Variants in ZMYM4 observed in about 807,000 individuals in gnomAD.
The protein encoded by ZMYM4 is zinc finger MYM-type protein 4.
ZMYM4 carries 31 observed loss-of-function variants against 183.2 expected under a neutral mutation model. The ratio of observed to expected loss-of-function variants is 0.17; its 90% CI spans 0.13 to 0.23. The LOEUF is 0.23. Ranked by LOEUF, ZMYM4 falls within the 10% of genes least tolerant of loss-of-function variation. The pLI, the probability that ZMYM4 is intolerant of heterozygous loss-of-function variation, is 1.00. For synonymous variants in ZMYM4, 592 were observed against 631.2 expected (o/e 0.94, Z 0.93); for missense variants, 1,273 against 1,840.3 (o/e 0.69, Z 5.64).
chr1:35,399,366 C>T, intron 22 of ZMYM4, 116 bp from the exon 23 acceptor site: 1 of 985,976 alleles, frequency 1.0e-6, no homozygotes, highest in South Asian at 1.8e-5. Context: ...CTTATTTTAT[C>T]ACAAACAAAC....
chr1:35,417,339 C>T (rs562193476), intron 28 of ZMYM4, among the ~76,000 whole-genome samples: 1 of 152,026 alleles, frequency 6.6e-6, no homozygotes, highest in Non-Finnish European at 1.5e-5. Flanking sequence ...GCCCACTTTC[C>T]GTATCTTCAC....
chr1:35,394,047 A>T (rs1644759341), intron 18 of ZMYM4, among the ~76,000 whole-genome samples: 1 of 151,818 alleles, frequency 6.6e-6, no homozygotes, highest in Non-Finnish European at 1.5e-5. Context: ...CAGGCTTCTA[A>T]GGAGGTGCTA....
At chr1:35,408,762 ATATATAGTGTGATTGT>A (rs1254317554) in intron 26 of ZMYM4, among the ~76,000 whole-genome samples, 26 of 152,188 alleles carry the variant, frequency 1.7e-4, no homozygotes, top group African/African-American at 5.8e-4. Flanking sequence ...GCAGAATTAT[ATATATAGTGTGATTGT>A]TATGGGAAAA....
intron 9 of ZMYM4, among the ~76,000 whole-genome samples, chr1:35,382,788 A>G (rs1477078547): frequency 6.6e-6 from 1 of 152,094 alleles, no homozygotes; most frequent in East Asian, 1.9e-4. Context: ...TGTATTCTTT[A>G]ACAATATTTT....
At position 35,420,735 on chromosome 1, in the gene ZMYM4, AC is replaced by A. The variant is rs1341066791; in HGVS notation, c.*1059del. The A allele has an allele frequency of 6.6e-6, 1 of 152,612 alleles. No homozygotes were observed. Among genetic ancestry groups the A allele is most frequent in the Non-Finnish European group, 1.5e-5 (1 of 68,034 alleles). The allele number at this position is 152,612 out of a possible 1,614,324, so 9.5% of individuals were successfully genotyped here. A position where few individuals can be genotyped will look rare whatever the true frequency, so the allele number is the denominator to read the frequency against. ...AGTGATTCCACAAAGATACAGTATT[AC>A]TTAGCTATCTGAATTATGATAGAAA... is the stretch of plus-strand genomic sequence containing the variant. On this transcript the variant is annotated 3_prime_UTR_variant, in exon 30 of 30. Coordinates refer to ENST00000314607, the MANE Select transcript of ZMYM4 (RefSeq NM_005095.3).
In ZMYM4 at chr1:35,410,445, A is replaced by G. The variant is rs145133220; in HGVS notation, c.3948+2286A>G. Among the ~76,000 whole-genome samples the G allele has an allele frequency of 5.3e-5, 8 of 151,392 alleles. No individual in the cohort carries two copies. In the East Asian group the frequency reaches 1.6e-3, roughly 30 times the overall value. On this transcript the variant is annotated intron_variant, in intron 26 of 29. Transcript: ENST00000314607. ...ACTCTCTTGGTGTAGTGTACTTTGA[A>G]TGACAAATATATATTTATTTATTTA... is the stretch of plus-strand genomic sequence containing the variant.
intron 9 of ZMYM4, among the ~76,000 whole-genome samples, chr1:35,382,287 T>C (rs1379061532): frequency 6.6e-6 from 1 of 150,682 alleles, no homozygotes. Flanking sequence ...TATATATACA[T>C]ATAGAGAGAG....
intron 1 of ZMYM4, among the ~76,000 whole-genome samples, chr1:35,287,284 C>T (rs1640550538): frequency 6.7e-6 from 1 of 150,354 alleles, no homozygotes; most frequent in Admixed American, 6.6e-5. Flanking sequence ...CCAGGCTGGC[C>T]TTGAACTCCT....
At chr1:35,401,161 G>C (rs1458075066) in intron 23 of ZMYM4, among the ~76,000 whole-genome samples, 1 of 152,144 alleles carries the variant, frequency 6.6e-6, no homozygotes, top group Admixed American at 6.5e-5. Flanking sequence ...AGATTGCTAG[G>C]TTTTATGCTT....
chr1:35,363,415 C>G (rs1386567299), intron 5 of ZMYM4, among the ~76,000 whole-genome samples: 1 of 152,144 alleles, frequency 6.6e-6, no homozygotes, highest in African/African-American at 2.4e-5. Flanking sequence ...TTTGTGGCCT[C>G]TACCTACTAC....
At chr1:35,354,059 G>A (rs552565615) in intron 2 of ZMYM4, among the ~76,000 whole-genome samples, 1 of 152,188 alleles carries the variant, frequency 6.6e-6, no homozygotes, top group East Asian at 1.9e-4. Context: ...TGAGATGGGA[G>A]GATCACCTGA....
At chr1:35,308,151 C>G (rs569574174) in intron 1 of ZMYM4, among the ~76,000 whole-genome samples, 25 of 152,190 alleles carry the variant, frequency 1.6e-4, no homozygotes, top group African/African-American at 5.8e-4. Context: ...GTCATCACAC[C>G]TGGCTAATTT....
intron 19 of ZMYM4, 152 bp from the exon 20 acceptor site, chr1:35,397,225 T>G: frequency 1.8e-6 from 2 of 1,099,864 alleles, no homozygotes; most frequent in South Asian, 7.0e-5. Flanking sequence ...TCTAGTCTTA[T>G]AAAAACAAAC....
chr1:35,349,353 T>C (rs909250054), intron 2 of ZMYM4, among the ~76,000 whole-genome samples: 1 of 152,198 alleles, frequency 6.6e-6, no homozygotes, highest in Non-Finnish European at 1.5e-5. Context: ...TATTAAATGA[T>C]TGGTAAATGT....
intron 5 of ZMYM4, among the ~76,000 whole-genome samples, chr1:35,363,012 A>C (rs1213807602): frequency 6.6e-6 from 1 of 152,226 alleles, no homozygotes; most frequent in Non-Finnish European, 1.5e-5. Flanking sequence ...CTCTACTAAA[A>C]ATACAAAAAA....
intron 1 of ZMYM4, among the ~76,000 whole-genome samples, chr1:35,300,937 T>C (rs1641250656): frequency 6.6e-6 from 1 of 152,210 alleles, no homozygotes. Context: ...GCATGCTTGG[T>C]AGCTTTTGAT....
intron 18 of ZMYM4, among the ~76,000 whole-genome samples, chr1:35,395,074 T>A (rs1644783916): frequency 6.6e-6 from 1 of 152,188 alleles, no homozygotes; most frequent in Admixed American, 6.5e-5. Context: ...ATCCAGGAAT[T>A]TTACTAAGTA....
At chr1:35,302,552 A>G (rs1000100263) in intron 1 of ZMYM4, among the ~76,000 whole-genome samples, 1 of 150,812 alleles carries the variant, frequency 6.6e-6, no homozygotes, top group Non-Finnish European at 1.5e-5. Flanking sequence ...TGCCCCACTA[A>G]TTTTTTGTAT....
intron 1 of ZMYM4, among the ~76,000 whole-genome samples, chr1:35,272,220 T>C (rs16837249): frequency 0.064 from 9,672 of 152,222 alleles, 928 homozygotes; most frequent in East Asian, 0.44. Flanking sequence ...TAGACTTAGA[T>C]AGTAACTTTA....
Sources: gnomAD v4.1 joint callset for allele counts (sites outside exome capture counted in the v4.1 genomes callset) on GRCh38, gnomAD v4.1.1 for gene constraint, MANE v1.5 for transcripts, NCBI Gene and HGNC (gene_info 2026-07-23, HGNC 2026-07-21) for gene names.